Variants in CA10 observed in about 807,000 individuals in gnomAD.
CA10 encodes the protein carbonic anhydrase-related protein 10.
In CA10, 14 loss-of-function variants were observed where a neutral mutation model predicts 44.2. The observed-to-expected ratio is 0.32, with a 90% CI of 0.21 to 0.50. CA10 has a LOEUF of 0.50. Ranked by LOEUF, CA10 falls within the 20% of genes least tolerant of loss-of-function variation. The probability of loss-of-function intolerance (pLI) is 0.99; values close to 1 mark genes in which losing one functional copy is unlikely to be tolerated. For missense variants in CA10, 350 were observed against 409.7 expected (o/e 0.85, Z 1.26); for synonymous variants, 159 against 141.6 (o/e 1.12, Z -0.87).
chr17:51,957,300 C>G (rs1272136898), intron 2 of CA10, among the ~76,000 whole-genome samples: 1 of 152,160 alleles, frequency 6.6e-6, no homozygotes, highest in Non-Finnish European at 1.5e-5. Context: ...GAAACATTTA[C>G]ATTTATCACT....
At chr17:52,106,966 G>A (rs1307524753) in intron 1 of CA10, among the ~76,000 whole-genome samples, 2 of 152,128 alleles carry the variant, frequency 1.3e-5, no homozygotes, top group Non-Finnish European at 2.9e-5. Context: ...GTACGGTGGG[G>A]AGACTCCTGT....
intron 1 of CA10, among the ~76,000 whole-genome samples, chr17:52,095,110 T>C (rs1016373472): frequency 5.9e-5 from 9 of 152,144 alleles, no homozygotes; most frequent in Admixed American, 2.0e-4. Flanking sequence ...TTTTTGTACA[T>C]TCATACAATG....
intron 2 of CA10, among the ~76,000 whole-genome samples, chr17:51,973,910 T>C (rs1418489750): frequency 6.6e-6 from 1 of 152,170 alleles, no homozygotes; most frequent in Admixed American, 6.5e-5. Context: ...TGGATAAGAC[T>C]GATGCTGTAA....
chr17:51,778,533 G>A (rs1290349043), intron 3 of CA10, among the ~76,000 whole-genome samples: 1 of 152,214 alleles, frequency 6.6e-6, no homozygotes, highest in Non-Finnish European at 1.5e-5. Flanking sequence ...AGTAGGTTTT[G>A]TTCCATTAAC....
Position 51,936,373 on chromosome 17 carries a change from A to G in CA10, c.137-5241T>C, listed in dbSNP as rs902501020. Among the ~76,000 whole-genome samples, 8 of 152,142 alleles carry G rather than the reference A, an allele frequency of 5.3e-5. 1 individual carries two copies. The highest frequency in any genetic ancestry group is 5.2e-4 in the Admixed American group (8 of 15,268). On this transcript the variant is annotated intron_variant, in intron 2 of 8. Transcript: ENST00000451037. ...AAGACGGTAATGGATCATAGCTTAA[A>G]GCATGTATGGGAGAGAAAACCTAGG...
At chr17:51,742,281 C>T (rs942331307) in intron 4 of CA10, among the ~76,000 whole-genome samples, 1 of 152,158 alleles carries the variant, frequency 6.6e-6, no homozygotes, top group Non-Finnish European at 1.5e-5. Flanking sequence ...TGTCCTTATA[C>T]ATCCCAATCC....
chr17:51,710,012 TC>T (rs1915883107), intron 4 of CA10, among the ~76,000 whole-genome samples: 1 of 152,212 alleles, frequency 6.6e-6, no homozygotes, highest in Non-Finnish European at 1.5e-5. Flanking sequence ...CTGCCTGTTT[TC>T]CTGGGGTGAT....
At chr17:51,726,198 A>C (rs1325340068) in intron 4 of CA10, among the ~76,000 whole-genome samples, 1 of 152,192 alleles carries the variant, frequency 6.6e-6, no homozygotes, top group African/African-American at 2.4e-5. Context: ...CTGTTTATGT[A>C]AATGTGATGC....
At chr17:52,073,908 T>C (rs1183482435) in intron 1 of CA10, among the ~76,000 whole-genome samples, 1 of 152,204 alleles carries the variant, frequency 6.6e-6, no homozygotes, top group African/African-American at 2.4e-5. Flanking sequence ...CAAGGAGATT[T>C]GAAGTCAGCC....
At chr17:51,858,529 G>T (rs1019103298) in intron 3 of CA10, among the ~76,000 whole-genome samples, 2 of 152,194 alleles carry the variant, frequency 1.3e-5, no homozygotes, top group African/African-American at 4.8e-5. Flanking sequence ...TCCAAAAGGG[G>T]TATATAAAAG....
chr17:51,942,538 T>TTTTA lies in CA10; in HGVS notation c.137-11407_137-11406insTAAA, dbSNP rs1035469093. ...AGCCAGGAAGGAAATCTTGCAGGCA[T>TTTTA]TATATATATATATATATCTGTCATC... On this transcript the variant is annotated intron_variant, in intron 2 of 8. Coordinates refer to ENST00000451037, the MANE Select transcript of CA10 (RefSeq NM_020178.5). Among the ~76,000 whole-genome samples the TTTTA allele has an allele frequency of 4.6e-3, 625 of 135,226 alleles. 11 individuals are homozygous for TTTTA. Among genetic ancestry groups the TTTTA allele is most frequent in the African/African-American group, 0.015 (593 of 39,778 alleles). The allele number at this position is 135,226 out of a possible 152,430, so 88.7% of individuals were successfully genotyped here.
intron 3 of CA10, among the ~76,000 whole-genome samples, chr17:51,815,566 A>AGC (rs1276556979): frequency 6.6e-6 from 1 of 152,080 alleles, no homozygotes; most frequent in Non-Finnish European, 1.5e-5. Flanking sequence ...AGGTGAAATG[A>AGC]TCAGGCCCCT....
At chr17:51,901,613 G>T (rs1281682324) in intron 3 of CA10, among the ~76,000 whole-genome samples, 1 of 152,062 alleles carries the variant, frequency 6.6e-6, no homozygotes, top group Non-Finnish European at 1.5e-5. Flanking sequence ...GGCAGGGATG[G>T]GGTACTAGTC....
At chr17:51,838,735 C>A (rs532255094) in intron 3 of CA10, among the ~76,000 whole-genome samples, 14 of 152,342 alleles carry the variant, frequency 9.2e-5, no homozygotes, top group African/African-American at 3.4e-4. Flanking sequence ...CTGTACTTCT[C>A]AAACACAAAG....
In CA10 at chr17:51,994,206, G is replaced by A. The variant is rs951320966; in HGVS notation, c.137-63074C>T. ...TGTATTCAATTGCATGTAGCCCCATGGTCCATTGAGGTACAAGAGTAGGGA... is the reference window on the plus strand; with the variant it reads ...TGTATTCAATTGCATGTAGCCCCATAGTCCATTGAGGTACAAGAGTAGGGA... On this transcript the variant is annotated intron_variant, in intron 2 of 8. Coordinates refer to ENST00000451037, the MANE Select transcript of CA10 (RefSeq NM_020178.5). Among the ~76,000 whole-genome samples the A allele has an allele frequency of 7.9e-5, 12 of 151,884 alleles. No individual in the cohort carries two copies. The East Asian group carries it at 1.6e-3, about 20-fold the overall frequency.
At chr17:52,159,014 C>G, upstream of CA10, among the ~76,000 whole-genome samples, 1 of 152,196 alleles carries the variant, frequency 6.6e-6, no homozygotes, top group South Asian at 2.1e-4. Flanking sequence ...GCAGCCGCCT[C>G]CGCACTCCGC....
chr17:51,748,573 C>G (rs879776923), intron 3 of CA10: 20 of 681,080 alleles, frequency 2.9e-5, no homozygotes, highest in Admixed American at 1.3e-4. Context: ...TTCTAGAACA[C>G]TCATTCCCAT....
chr17:51,669,479 C>T lies in CA10; in HGVS notation c.466-15743G>A, dbSNP rs536005640. On this transcript the variant is annotated intron_variant, in intron 4 of 8. Transcript: ENST00000451037. ...CCCCAGCCAGCAGTGGCAACCCTCT[C>T]GGGTCCCCTTCCACACTGTGGAAGC... 1.6e-4 allele frequency among the ~76,000 whole-genome samples: 24 copies of T among 152,262 alleles called. No individual in the cohort carries two copies. The East Asian group carries it at 3.3e-3, about 21-fold the overall frequency.
intron 3 of CA10, among the ~76,000 whole-genome samples, chr17:51,849,166 T>TATAC (rs1341133101): frequency 5.0e-4 from 51 of 102,522 alleles, no homozygotes; most frequent in African/African-American, 1.8e-3. Context: ...CATATATGTA[T>TATAC]ATATATATAC....
Sources: allele counts gnomAD v4.1 joint callset (sites outside exome capture counted in the v4.1 genomes callset), GRCh38; gene constraint gnomAD v4.1.1; transcripts MANE v1.5; gene names NCBI Gene and HGNC (gene_info 2026-07-23, HGNC 2026-07-21).